CSGALNACT1: variants seen among roughly 807,000 people sequenced by gnomAD.
CSGALNACT1 encodes chondroitin sulfate N-acetylgalactosaminyltransferase 1, also known as beta4GalNAcT-1.
CSGALNACT1 carries 52 observed loss-of-function variants against 51.0 expected under a neutral mutation model. The observed-to-expected ratio is 1.02, with a 90% CI of 0.82 to 1.29. CSGALNACT1 has a LOEUF of 1.29. Among genes scored for constraint, CSGALNACT1 ranks in the 50% most tolerant of loss-of-function variants. CSGALNACT1 has a pLI of 0.00. For synonymous variants in CSGALNACT1, 341 were observed against 254.4 expected (o/e 1.34, Z -3.24); for missense variants, 935 against 679.2 (o/e 1.38, Z -4.19).
intron 3 of CSGALNACT1, among the ~76,000 whole-genome samples, chr8:19,531,013 T>A (rs1374808849): frequency 1.3e-5 from 2 of 152,184 alleles, no homozygotes; most frequent in Admixed American, 1.3e-4. Flanking sequence ...GCCTGACACT[T>A]CAAGTGTGAA....
chr8:19,437,434 T>G (rs138994638), intron 6 of CSGALNACT1, among the ~76,000 whole-genome samples: 4 of 152,006 alleles, frequency 2.6e-5, no homozygotes, highest in African/African-American at 7.2e-5. Context: ...ATCTGGAAGG[T>G]AGAGTGTGGT....
chr8:19,615,154 A>T (rs995223047), intron 1 of CSGALNACT1, among the ~76,000 whole-genome samples: 5 of 152,216 alleles, frequency 3.3e-5, no homozygotes, highest in Non-Finnish European at 7.3e-5. Context: ...AAATACAAAA[A>T]TTAACCAGGC....
chr8:19,591,703 C>A (rs757557917), intron 2 of CSGALNACT1, among the ~76,000 whole-genome samples: 1 of 151,892 alleles, frequency 6.6e-6, no homozygotes, highest in Non-Finnish European at 1.5e-5. Flanking sequence ...GCAGGAGGAT[C>A]GCTTAAGCCC....
chr8:19,440,793 T>C (rs75839127), intron 5 of CSGALNACT1, among the ~76,000 whole-genome samples: 69,734 of 151,282 alleles, frequency 0.46, 17,525 homozygotes, highest in East Asian at 0.84. Flanking sequence ...TGTTTGCAGA[T>C]GACATGATTG....
At chr8:19,601,002 T>G (rs1451534221) in intron 2 of CSGALNACT1, among the ~76,000 whole-genome samples, 1 of 152,170 alleles carries the variant, frequency 6.6e-6, no homozygotes, top group Non-Finnish European at 1.5e-5. Flanking sequence ...CTGCTGAAGC[T>G]TGGAACCATA....
At chr8:19,530,681 T>C (rs2082598332) in intron 3 of CSGALNACT1, among the ~76,000 whole-genome samples, 1 of 151,852 alleles carries the variant, frequency 6.6e-6, no homozygotes, top group African/African-American at 2.4e-5. Context: ...TAGCGAGCTA[T>C]GATTGTGCCA....
chr8:19,741,355 G>A (rs1208420533), intron 1 of CSGALNACT1, among the ~76,000 whole-genome samples: 1 of 152,208 alleles, frequency 6.6e-6, no homozygotes, highest in East Asian at 1.9e-4. Flanking sequence ...ACGAGGTCAG[G>A]AGTTTGAGAC....
At chr8:19,649,851 G>C (rs113469553) in intron 1 of CSGALNACT1, among the ~76,000 whole-genome samples, 6 of 31,898 alleles carry the variant, frequency 1.9e-4, no homozygotes, top group Non-Finnish European at 3.9e-4. Flanking sequence ...AAAAACCACG[G>C]GGGGAGGCAT....
At chr8:19,520,006 T>C (rs2080329947) in intron 3 of CSGALNACT1, among the ~76,000 whole-genome samples, 1 of 152,198 alleles carries the variant, frequency 6.6e-6, no homozygotes, top group African/African-American at 2.4e-5. Flanking sequence ...TCTGATGAGT[T>C]CATGGAGGTG....
chr8:19,611,665 T>C (rs2052282771), intron 1 of CSGALNACT1, among the ~76,000 whole-genome samples: 1 of 152,172 alleles, frequency 6.6e-6, no homozygotes, highest in African/African-American at 2.4e-5. Flanking sequence ...GCCCTCTTCT[T>C]CATGAACAGG....
At chr8:19,430,854 C>A (rs1658778248) in intron 6 of CSGALNACT1, among the ~76,000 whole-genome samples, 1 of 152,036 alleles carries the variant, frequency 6.6e-6, no homozygotes, top group African/African-American at 2.4e-5. Flanking sequence ...TTCTTTAATT[C>A]CTTTCAAAGT....
chr8:19,624,182 A>G (rs988098314), intron 1 of CSGALNACT1, among the ~76,000 whole-genome samples: 3 of 152,166 alleles, frequency 2.0e-5, no homozygotes, highest in Admixed American at 6.5e-5. Flanking sequence ...GAGATTATCT[A>G]CCATCTACTA....
intron 1 of CSGALNACT1, among the ~76,000 whole-genome samples, chr8:19,644,236 C>A (rs1193825890): frequency 1.3e-5 from 2 of 152,028 alleles, no homozygotes; most frequent in East Asian, 3.9e-4. Context: ...TAATAGTGAT[C>A]ATCATTGTAA....
intron 1 of CSGALNACT1, among the ~76,000 whole-genome samples, chr8:19,675,274 T>C (rs758020257): frequency 1.3e-5 from 2 of 152,198 alleles, no homozygotes; most frequent in Non-Finnish European, 2.9e-5. Context: ...AGTCAAATGT[T>C]GGCAAAGTAA....
At chr8:19,591,815 A>G (rs972659649) in intron 2 of CSGALNACT1, among the ~76,000 whole-genome samples, 4 of 152,178 alleles carry the variant, frequency 2.6e-5, no homozygotes, top group African/African-American at 9.7e-5. Flanking sequence ...AGCAATTCTT[A>G]TTAGTTTTAG....
chr8:19,435,318 C>A (rs959427182), intron 6 of CSGALNACT1, among the ~76,000 whole-genome samples: 1 of 152,060 alleles, frequency 6.6e-6, no homozygotes, highest in South Asian at 2.1e-4. Flanking sequence ...CTTGGTGAAA[C>A]CCCATCTCTT....
intron 3 of CSGALNACT1, among the ~76,000 whole-genome samples, chr8:19,590,292 T>C (rs1410738388): frequency 5.9e-5 from 9 of 152,172 alleles, no homozygotes; most frequent in Admixed American, 1.3e-4. Flanking sequence ...CAGAGGCACT[T>C]TGAGATATTT....
intron 1 of CSGALNACT1, among the ~76,000 whole-genome samples, chr8:19,665,985 C>T (rs1401037988): frequency 6.6e-6 from 1 of 152,070 alleles, no homozygotes; most frequent in Non-Finnish European, 1.5e-5. Context: ...TTGAAGATTC[C>T]TCATTGTTTT....
chr8:19,708,004 T>C (rs1279475017), intron 1 of CSGALNACT1, among the ~76,000 whole-genome samples: 1 of 152,048 alleles, frequency 6.6e-6, no homozygotes, highest in Non-Finnish European at 1.5e-5. Flanking sequence ...CGAGACTCCA[T>C]CTCAAAAAAG....
Sources: gnomAD v4.1 joint callset for allele counts (sites outside exome capture counted in the v4.1 genomes callset) on GRCh38, gnomAD v4.1.1 for gene constraint, MANE v1.5 for transcripts, NCBI Gene and HGNC (gene_info 2026-07-23, HGNC 2026-07-21) for gene names.